Variants in HTR4 observed in about 807,000 individuals in gnomAD.
HTR4 encodes 5-hydroxytryptamine (serotonin) receptor 4, G protein-coupled.
Under a neutral mutation model 36.8 loss-of-function variants are expected in HTR4, and 16 were observed. That is an observed-to-expected ratio of 0.43 (90% CI 0.29 to 0.66). HTR4 has a LOEUF of 0.66. Among genes scored for constraint, HTR4 ranks in the 30% least tolerant of loss-of-function variants. HTR4 has a pLI of 0.13. For missense variants in HTR4, 438 were observed against 490.9 expected, an observed-to-expected ratio of 0.89 and a Z score of 1.02; for synonymous variants, 189 against 185.1, an observed-to-expected ratio of 1.02 and a Z score of -0.17.
chr5:148,643,782 C>A (rs1201452764), intron 1 of HTR4, among the ~76,000 whole-genome samples: 2 of 150,202 alleles, frequency 1.3e-5, no homozygotes, highest in African/African-American at 5.0e-5. Flanking sequence ...TGAGGTAGAT[C>A]ATTTCAATCA....
At chr5:148,651,199 G>T (rs13156592) in intron 1 of HTR4, among the ~76,000 whole-genome samples, 29,541 of 152,078 alleles carry the variant, frequency 0.19, 3,448 homozygotes, top group East Asian at 0.4. Flanking sequence ...GATTAATGTG[G>T]GCTATTAAGA....
chr5:148,644,295 TTC>T (rs1420295904), intron 1 of HTR4, among the ~76,000 whole-genome samples: 3 of 152,114 alleles, frequency 2.0e-5, no homozygotes, highest in Non-Finnish European at 4.4e-5. Context: ...CCTTTTCATT[TTC>T]TGTTTTAGTT....
downstream of HTR4, among the ~76,000 whole-genome samples, chr5:148,475,868 G>T (rs2113708900): frequency 6.6e-6 from 1 of 152,310 alleles, no homozygotes; most frequent in East Asian, 1.9e-4. Flanking sequence ...TGGGGAATGT[G>T]CTATCATTAT....
chr5:148,640,008 C>T (rs190917634), intron 1 of HTR4, among the ~76,000 whole-genome samples: 10 of 152,172 alleles, frequency 6.6e-5, no homozygotes, highest in Admixed American at 1.3e-4. Flanking sequence ...GTCCAACCTC[C>T]GAGTCCAACC....
chr5:148,613,521 G>T (rs1752529547), intron 2 of HTR4, among the ~76,000 whole-genome samples: 2 of 151,186 alleles, frequency 1.3e-5, no homozygotes, highest in South Asian at 4.2e-4. Flanking sequence ...GGTATTGATG[G>T]GATGTATCTC....
chr5:148,459,604 G>C (rs1169198147), intron 5 of HTR4, among the ~76,000 whole-genome samples: 2 of 152,096 alleles, frequency 1.3e-5, no homozygotes, highest in Non-Finnish European at 2.9e-5. Flanking sequence ...CTAATCACAG[G>C]ACTACAAACC....
chr5:148,502,645 G>A (rs952983371), intron 6 of HTR4, among the ~76,000 whole-genome samples: 5 of 152,358 alleles, frequency 3.3e-5, no homozygotes, highest in African/African-American at 1.2e-4. Flanking sequence ...AAACTGGATG[G>A]AGAATGACTT....
At position 148,610,290 on chromosome 5, in the gene HTR4, G is replaced by T. The variant is rs537198214; in HGVS notation, c.26+26699C>A. On this transcript the variant is annotated intron_variant, in intron 2 of 6. Coordinates refer to ENST00000377888, the MANE Select transcript of HTR4 (RefSeq NM_000870.7). ...ATTTCTGCATTTCCATCTGAGCTTT[G>T]AAGAGAGCAGTGGTTCTCCCAGTAC... 3.6e-3 allele frequency among the ~76,000 whole-genome samples: 542 copies of T among 152,308 alleles called. 3 individuals carry two copies. The highest frequency in any genetic ancestry group is 0.013 in the African/African-American group (525 of 41,572).
chr5:148,559,750 A>G (rs1760107566), intron 2 of HTR4, among the ~76,000 whole-genome samples: 2 of 152,078 alleles, frequency 1.3e-5, no homozygotes, highest in African/African-American at 4.8e-5. Context: ...GACTAACAAC[A>G]GAATGCCAAA....
At chr5:148,606,251 T>A (rs977164797) in intron 2 of HTR4, among the ~76,000 whole-genome samples, 1 of 151,944 alleles carries the variant, frequency 6.6e-6, no homozygotes, top group African/African-American at 2.4e-5. Context: ...TGAGCAAAAT[T>A]AGAGCTGAGA....
chr5:148,531,227 G>A (rs923885366), intron 4 of HTR4, among the ~76,000 whole-genome samples: 3 of 152,104 alleles, frequency 2.0e-5, no homozygotes, highest in Admixed American at 6.5e-5. Context: ...GAGGTGGAAG[G>A]ATATGGTTTG....
chr5:148,482,373 C>G lies in HTR4; in HGVS notation c.*830G>C. 6 of 985,536 alleles carry G rather than the reference C, an allele frequency of 6.1e-6. No individual in the cohort carries two copies. The highest frequency in any genetic ancestry group is 7.2e-6 in the Non-Finnish European group (6 of 830,010). The allele number at this position is 985,536 out of a possible 1,614,324, so 61.0% of individuals were successfully genotyped here. On this transcript the variant is annotated 3_prime_UTR_variant, in exon 7 of 7. Transcript: ENST00000377888. ...CTGCCCAAGGCTTTTTAGAAGACGT[C>G]CCGTTCTAGCCCAGCAGGAGAGCGA... is the stretch of plus-strand genomic sequence containing the variant.
At chr5:148,615,053 G>C (rs1293616453) in intron 2 of HTR4, among the ~76,000 whole-genome samples, 1 of 151,888 alleles carries the variant, frequency 6.6e-6, no homozygotes, top group Non-Finnish European at 1.5e-5. Flanking sequence ...AGGATGTGGA[G>C]AAATAGGAAC....
chr5:148,614,054 A>G (rs1752556583), intron 2 of HTR4, among the ~76,000 whole-genome samples: 1 of 151,714 alleles, frequency 6.6e-6, no homozygotes, highest in Non-Finnish European at 1.5e-5. Context: ...ATGGAAGAAC[A>G]TTCTATGCTC....
chr5:148,471,032 T>A (rs1755554609), intron 5 of HTR4, among the ~76,000 whole-genome samples: 1 of 152,054 alleles, frequency 6.6e-6, no homozygotes, highest in Admixed American at 6.6e-5. Context: ...AAACTAAAGA[T>A]CAAAAGCTTC....
chr5:148,494,688 T>A (rs1418589455), intron 6 of HTR4, among the ~76,000 whole-genome samples: 1 of 152,208 alleles, frequency 6.6e-6, no homozygotes, highest in African/African-American at 2.4e-5. Context: ...AGAAGGCACA[T>A]ATAGCTCTGG....
chr5:148,577,852 A>G (rs1025690325), intron 2 of HTR4, among the ~76,000 whole-genome samples: 1 of 152,026 alleles, frequency 6.6e-6, no homozygotes, highest in Admixed American at 6.6e-5. Flanking sequence ...GAGAGCAGAA[A>G]AGATAACTAT....
At chr5:148,640,846 A>G (rs1165853101) in intron 1 of HTR4, among the ~76,000 whole-genome samples, 1 of 152,234 alleles carries the variant, frequency 6.6e-6, no homozygotes, top group Non-Finnish European at 1.5e-5. Context: ...GCATGTGAAA[A>G]TGTTACAACA....
In HTR4 at chr5:148,517,444, C is replaced by A. The variant is rs544317312; in HGVS notation, c.507+5749G>T. Among the ~76,000 whole-genome samples, 8 of 152,136 alleles carry A rather than the reference C, an allele frequency of 5.3e-5. No homozygotes were observed. In the South Asian group the frequency reaches 1.7e-3, roughly 32 times the overall value. On this transcript the variant is annotated intron_variant, in intron 5 of 6. Transcript: ENST00000377888. ...TATCAAGCTCCTTACTGGACATCTC[C>A]AATTGCATATCTAATAGGTATCTCA...
Sources: allele counts gnomAD v4.1 joint callset (sites outside exome capture counted in the v4.1 genomes callset), GRCh38; gene constraint gnomAD v4.1.1; transcripts MANE v1.5; gene names NCBI Gene and HGNC (gene_info 2026-07-23, HGNC 2026-07-21).